The following TMEM25 variants were observed in gnomAD, a reference collection of about 807,000 sequenced individuals.
The protein encoded by TMEM25 is transmembrane protein 25.
Under a neutral mutation model 37.0 loss-of-function variants are expected in TMEM25, and 36 were observed. The observed-to-expected ratio is 0.97, with a 90% CI of 0.75 to 1.28. The LOEUF (loss-of-function observed/expected upper bound fraction) is 1.28. Ranked by LOEUF, TMEM25 falls within the 50% of genes most tolerant of loss-of-function variation. The pLI is 0.00. For missense variants in TMEM25, 444 were observed against 477.9 expected, an observed-to-expected ratio of 0.93 and a Z score of 0.66; for synonymous variants, 197 against 203.7, an observed-to-expected ratio of 0.97 and a Z score of 0.28.
intron 6 of TMEM25, 26 bp from the exon 7 acceptor site, chr11:118,533,999 TATCC>T (rs1555061482): frequency 6.2e-7 from 1 of 1,613,842 alleles, no homozygotes; most frequent in East Asian, 2.2e-5. Context: ...CCGGGACTCA[TATCC>T]ATCCCGAACT....
At chr11:118,533,809 C>A in intron 5 of TMEM25, 48 bp from the exon 6 acceptor site, 3 of 1,613,148 alleles carry the variant, frequency 1.9e-6, no homozygotes, top group Non-Finnish European at 2.5e-6. Context: ...GACAGCCCAG[C>A]GTGGGAGGGC....
At chr11:118,540,695 C>T (rs557624306), downstream of TMEM25, among the ~76,000 whole-genome samples, 5 of 152,330 alleles carry the variant, frequency 3.3e-5, 1 homozygote, top group South Asian at 4.1e-4. Flanking sequence ...GTTCCTTTGT[C>T]GGGTGACAGA....
chr11:118,536,572 C>T (rs186731944), downstream of TMEM25, among the ~76,000 whole-genome samples: 104 of 152,356 alleles, frequency 6.8e-4, no homozygotes, highest in African/African-American at 2.5e-3. Flanking sequence ...CACCACTCAA[C>T]TCTGACATTA....
In TMEM25 at chr11:118,532,249, G is replaced by T; in HGVS notation, c.170G>T (p.Gly57Val). The change falls in exon 3 of 9, where the codon GGG becomes GTG. Residue 57 changes from glycine to valine, a missense_variant. Gly to Val is a moderately radical substitution (Grantham distance 109, BLOSUM62 -3). Coordinates refer to ENST00000313236, the MANE Select transcript of TMEM25 (RefSeq NM_032780.4). The stretch of plus-strand genomic sequence containing the variant: ...GCCTTCACCTGCCGGGTGGCAGGGG[G>T]GCCTGGCACCCCCAGATTGGCCTGG... ...RHAFTCRVAG[G>V]PGTPRLAWYL... is the part of the protein sequence containing the mutation. 1.9e-6 allele frequency: 3 copies of T among 1,613,814 alleles called. No homozygotes were observed. The highest frequency in any genetic ancestry group is 2.5e-6 in the Non-Finnish European group (3 of 1,179,796).
At chr11:118,544,040 C>G (rs545163584) in intron 8 of TMEM25, among the ~76,000 whole-genome samples, 15 of 151,900 alleles carry the variant, frequency 9.9e-5, no homozygotes, top group Non-Finnish European at 1.6e-4. Context: ...GAACTCCTGA[C>G]CACATGATCT....
chr11:118,535,650 A>G lies in TMEM25; in HGVS notation c.*1070A>G. 1 of 1,518,682 alleles carries G rather than the reference A, an allele frequency of 6.6e-7. No homozygotes were observed. Among genetic ancestry groups the G allele is most frequent in the Non-Finnish European group, 8.8e-7 (1 of 1,133,900 alleles). The allele number at this position is 1,518,682 out of a possible 1,614,324, so 94.1% of individuals were successfully genotyped here. On this transcript the variant is annotated 3_prime_UTR_variant, in exon 9 of 9. Transcript: ENST00000313236. ...TTTAGGGGAACATGGAGAAAGAAGG[A>G]GACCACATACCCCAAAGTGACCTAA... is the stretch of plus-strand genomic sequence containing the variant.
At chr11:118,533,746 G>A in intron 5 of TMEM25, 111 bp from the exon 6 acceptor site, 1 of 1,584,886 alleles carries the variant, frequency 6.3e-7, no homozygotes, top group African/African-American at 1.3e-5. Flanking sequence ...CCAGGGCCAG[G>A]CCTGGGCATT....
At chr11:118,537,912 G>A (rs1207877427), downstream of TMEM25, among the ~76,000 whole-genome samples, 4 of 151,870 alleles carry the variant, frequency 2.6e-5, no homozygotes, top group East Asian at 1.9e-4. Flanking sequence ...TTAGCTGGGC[G>A]TGGTGGTGTG....
downstream of TMEM25, among the ~76,000 whole-genome samples, chr11:118,536,543 T>C (rs960488765): frequency 7.2e-5 from 11 of 152,198 alleles, no homozygotes; most frequent in African/African-American, 2.2e-4. Flanking sequence ...GGAAAAAATA[T>C]AGCAAGCACC....
chr11:118,544,834 T>A (rs1951636033), intron 8 of TMEM25: 3 of 979,636 alleles, frequency 3.1e-6, no homozygotes, highest in African/African-American at 1.6e-5. Context: ...GGCAAGGACA[T>A]CAAGTAGCTG....
At chr11:118,545,341 G>A (rs1191738257) in intron 8 of TMEM25, 2 of 1,159,938 alleles carry the variant, frequency 1.7e-6, no homozygotes, top group Non-Finnish European at 2.6e-6. Context: ...AATCACAGCA[G>A]GCTCAGAACA....
chr11:118,544,533 T>C (rs188920459), intron 8 of TMEM25: 13 of 198,718 alleles, frequency 6.5e-5, no homozygotes, highest in African/African-American at 2.8e-4. Context: ...TCTGACAATA[T>C]AATAGAGCAT....
chr11:118,538,798 CAGG>C (rs1210161659), downstream of TMEM25, among the ~76,000 whole-genome samples: 3 of 150,196 alleles, frequency 2.0e-5, no homozygotes, highest in Admixed American at 2.0e-4. Flanking sequence ...GAGGCTGAGG[CAGG>C]AGAATCGCTT....
At chr11:118,543,540 T>G (rs901503301) in intron 8 of TMEM25, among the ~76,000 whole-genome samples, 22 of 152,130 alleles carry the variant, frequency 1.4e-4, no homozygotes, top group African/African-American at 5.3e-4. Context: ...CAGGCTGGAG[T>G]GCAGTGGCGC....
intron 8 of TMEM25, among the ~76,000 whole-genome samples, chr11:118,541,084 T>C (rs1300168518): frequency 2.0e-5 from 3 of 152,218 alleles, no homozygotes; most frequent in Admixed American, 6.5e-5. Flanking sequence ...GATGAACTTA[T>C]GGTATGTGAG....
chr11:118,541,286 C>T (rs1184884283), intron 8 of TMEM25, among the ~76,000 whole-genome samples: 1 of 151,884 alleles, frequency 6.6e-6, no homozygotes, highest in African/African-American at 2.4e-5. Context: ...CACAGTGAAA[C>T]CCCGTCTCTA....
chr11:118,534,187 A>G lies in TMEM25; in HGVS notation c.937+58A>G. 1 of 1,613,138 alleles carries G rather than the reference A, an allele frequency of 6.2e-7. No homozygotes were observed. The highest frequency in any genetic ancestry group is 8.5e-7 in the Non-Finnish European group (1 of 1,179,164). On this transcript the variant is annotated intron_variant, in intron 7 of 8. Transcript: ENST00000313236. The surrounding 1 kb of genome is among the most constrained non-coding windows in gnomAD (Gnocchi z 4.6). ...TAATCTCCAGAAGTGCTTCTGAGAA[A>G]AAGAACTTGGTGCTTGGGAGGGGCG...
chr11:118,545,954 G>A, intron 8 of TMEM25: 1 of 980,744 alleles, frequency 1.0e-6, no homozygotes, highest in South Asian at 1.3e-5. Context: ...ATAAGACACA[G>A]GTTATGGGCT....
chr11:118,539,380 G>A (rs926290742), downstream of TMEM25, among the ~76,000 whole-genome samples: 4 of 151,768 alleles, frequency 2.6e-5, no homozygotes, highest in Admixed American at 1.3e-4. Flanking sequence ...GTTGGCCAGG[G>A]TGGTCTCGAT....
Sources: gnomAD v4.1 joint callset for allele counts (sites outside exome capture counted in the v4.1 genomes callset) on GRCh38, gnomAD v4.1.1 for gene constraint, Gnocchi (gnomAD v3.1) non-coding constraint, MANE v1.5 for transcripts, NCBI Gene and HGNC (gene_info 2026-07-23, HGNC 2026-07-21) for gene names.